CEP162: variants seen among roughly 807,000 people sequenced by gnomAD.
CEP162 encodes the protein centrosomal protein of 162 kDa.
CEP162 carries 141 observed loss-of-function variants against 169.2 expected under a neutral mutation model. That is an observed-to-expected ratio of 0.83 (90% confidence interval 0.73 to 0.96). The LOEUF is 0.96. Ranked by LOEUF, CEP162 falls within the 40% of genes least tolerant of loss-of-function variation. The pLI is 0.00. For synonymous variants in CEP162, 540 were observed against 526.4 expected, an observed-to-expected ratio of 1.03 and a Z score of -0.35; for missense variants, 1,600 against 1,587.2, an observed-to-expected ratio of 1.01 and a Z score of -0.14.
intron 25 of CEP162, among the ~76,000 whole-genome samples, chr6:84,136,246 T>TA (rs10672455): frequency 1.3e-5 from 2 of 152,204 alleles, no homozygotes; most frequent in African/African-American, 4.8e-5. Context: ...GCACATGTCT[T>TA]AGTCTGTTTT....
At chr6:84,202,437 T>C (rs933855152) in intron 7 of CEP162, among the ~76,000 whole-genome samples, 18 of 152,112 alleles carry the variant, frequency 1.2e-4, no homozygotes, top group African/African-American at 3.9e-4. Flanking sequence ...TACCTTTTTA[T>C]GCATATGGTA....
At chr6:84,205,046 G>A (rs1379102252) in intron 6 of CEP162, among the ~76,000 whole-genome samples, 1 of 152,096 alleles carries the variant, frequency 6.6e-6, no homozygotes, top group Non-Finnish European at 1.5e-5. Context: ...TCCCTGAATA[G>A]ACCAATAACA....
chr6:84,188,362 A>G (rs2099538157), intron 11 of CEP162, among the ~76,000 whole-genome samples: 1 of 152,038 alleles, frequency 6.6e-6, no homozygotes. Context: ...CCCAATAGGT[A>G]GTTTTTCGAT....
Position 84,125,138 on chromosome 6 carries a change from C to T in CEP162, c.4144G>A (p.Glu1382Lys). The change falls in exon 27 of 27, where the codon GAG (glutamate) becomes AAG (lysine). Residue 1382 changes from glutamate to lysine, a missense_variant. Physicochemically the swap from Glu to Lys is moderately conservative, Grantham distance 56 (BLOSUM62 1). Coordinates refer to ENST00000403245, the MANE Select transcript of CEP162 (RefSeq NM_014895.4). The stretch of plus-strand genomic sequence containing the variant: ...ACAACCACTCCTTGCCGGTGCAGCT[C>T]TCGGAGAACATCTAATATTGAGTCT... ...ELDSILDVLR[E>K]LHRQGVVVPV... The T allele has an allele frequency of 6.2e-7, 1 of 1,613,578 alleles. No homozygotes were observed. Among genetic ancestry groups the T allele is most frequent in the Non-Finnish European group, 8.5e-7 (1 of 1,179,662 alleles).
At chr6:84,126,700 T>G (rs1365648023) in intron 25 of CEP162, among the ~76,000 whole-genome samples, 188 bp from the exon 26 acceptor site, 1 of 152,180 alleles carries the variant, frequency 6.6e-6, no homozygotes, top group African/African-American at 2.4e-5. Flanking sequence ...TGAGTTGACC[T>G]CACATTCTAA....
rs188619811 is a variant in CEP162 at position 84,222,403 on chromosome 6, G to A, written c.58-1232C>T. On this transcript the variant is annotated intron_variant, in intron 2 of 26. Coordinates refer to ENST00000403245, the MANE Select transcript of CEP162 (RefSeq NM_014895.4). Reference sequence around the variant, plus strand: ...TCTATTTTAATAGCTTTGGCTTTTTGCCCATTTATTTAACAGACTTTTCCA... The same window carrying A: ...TCTATTTTAATAGCTTTGGCTTTTTACCCATTTATTTAACAGACTTTTCCA... Among the ~76,000 whole-genome samples, 1,178 of 152,174 alleles carry A rather than the reference G, an allele frequency of 7.7e-3. 14 individuals are homozygous for A. Among genetic ancestry groups the A allele is most frequent in the African/African-American group, 0.027 (1,124 of 41,504 alleles).
At chr6:84,184,835 T>G (rs2099536402) in intron 13 of CEP162, among the ~76,000 whole-genome samples, 1 of 151,914 alleles carries the variant, frequency 6.6e-6, no homozygotes, top group Non-Finnish European at 1.5e-5. Context: ...TCTGCTTGCA[T>G]GTTGAATAGA....
chr6:84,191,160 G>GAA (rs952057880), intron 11 of CEP162, among the ~76,000 whole-genome samples: 2 of 137,972 alleles, frequency 1.4e-5, no homozygotes, highest in Non-Finnish European at 1.6e-5. Context: ...CTGTTCAAAA[G>GAA]AAAAAAAAAA....
In CEP162 at chr6:84,185,191, T is replaced by A; in HGVS notation, c.1659A>T (p.Lys553Asn). 1 of 1,609,296 alleles carries A rather than the reference T, an allele frequency of 6.2e-7. No homozygotes were observed. Among genetic ancestry groups the A allele is most frequent in the South Asian group, 1.1e-5 (1 of 90,938 alleles). Residue 553 changes from lysine to asparagine, a missense_variant, in exon 13 of 27, where the codon AAA becomes AAT. Physicochemically the swap from Lys to Asn is moderately conservative, Grantham distance 94 (BLOSUM62 0). Coordinates refer to ENST00000403245, the MANE Select transcript of CEP162 (RefSeq NM_014895.4). ...AAATAAAGAGTATATGATTACCTTT[T>A]TTCCTAGGTTGATTGGAGGTAGAAA... is the stretch of plus-strand genomic sequence containing the variant. ...RSISTSNQPR[K>N]KEILSGTKLI...
At chr6:84,181,320 T>G (rs532004746) in intron 13 of CEP162, among the ~76,000 whole-genome samples, 9 of 152,262 alleles carry the variant, frequency 5.9e-5, no homozygotes, top group Admixed American at 5.9e-4. Flanking sequence ...TGAAACTGGA[T>G]CCCTTCCTTA....
At chr6:84,154,394 AT>A (rs2099522360) in intron 22 of CEP162, among the ~76,000 whole-genome samples, 1 of 151,560 alleles carries the variant, frequency 6.6e-6, no homozygotes, top group Non-Finnish European at 1.5e-5. Flanking sequence ...CTATCTATCT[AT>A]CTATGTATCT....
chr6:84,219,649 T>A (rs1031712461), intron 3 of CEP162, among the ~76,000 whole-genome samples: 5 of 152,198 alleles, frequency 3.3e-5, no homozygotes, highest in African/African-American at 1.2e-4. Context: ...TTATAAAAAA[T>A]GCACTGAATT....
At chr6:84,149,811 A>G in intron 23 of CEP162, 108 bp from the exon 24 acceptor site, 1 of 870,998 alleles carries the variant, frequency 1.1e-6, no homozygotes. Context: ...CAAGGGGAAA[A>G]TGGGCACCAA....
chr6:84,194,777 G>C (rs531177145), intron 10 of CEP162, 107 bp downstream of exon 10: 3 of 940,228 alleles, frequency 3.2e-6, no homozygotes, highest in East Asian at 5.3e-5. Flanking sequence ...ATTAAGCTCA[G>C]AGACTGAGAA....
chr6:84,129,338 T>A (rs1365768501), intron 25 of CEP162, among the ~76,000 whole-genome samples: 1 of 152,194 alleles, frequency 6.6e-6, no homozygotes, highest in East Asian at 1.9e-4. Flanking sequence ...TTTCTCCGCA[T>A]CCTCTCCAGC....
chr6:84,159,415 T>C (rs895713057), intron 21 of CEP162, among the ~76,000 whole-genome samples: 1 of 149,330 alleles, frequency 6.7e-6, no homozygotes, highest in African/African-American at 2.5e-5. Flanking sequence ...CACTTCTGGA[T>C]GGCTTCTTAG....
At chr6:84,178,985 T>C (rs918287333) in intron 13 of CEP162, among the ~76,000 whole-genome samples, 40 of 152,340 alleles carry the variant, frequency 2.6e-4, no homozygotes, top group Admixed American at 2.3e-3. Context: ...ACAAAGGACA[T>C]GAACTCATCC....
intron 21 of CEP162, among the ~76,000 whole-genome samples, chr6:84,159,547 A>ATATTTTTTTT (rs2099524779): frequency 1.3e-4 from 4 of 31,952 alleles, no homozygotes; most frequent in Non-Finnish European, 2.0e-4. Context: ...ATATATATAT[A>ATATTTTTTTT]TTTTTTTTTT....
Position 84,149,679 on chromosome 6 carries a change from G to A in CEP162, c.3654C>T (p.His1218=). Reference sequence around the variant, plus strand: ...GATGAGATGCTTTGAGGGATGCAATGTGTGCTGCAGTATCTTCCTTGACCC... The same window carrying A: ...GATGAGATGCTTTGAGGGATGCAATATGTGCTGCAGTATCTTCCTTGACCC... ...MRRVKEDTAA[H]IASLKASHQR... The change falls in exon 24 of 27, where the codon CAC becomes CAT. Residue 1218 remains histidine, a synonymous_variant. Coordinates refer to ENST00000403245, the MANE Select transcript of CEP162 (RefSeq NM_014895.4). 6.4e-7 allele frequency: 1 copy of A among 1,566,266 alleles called. No individual in the cohort carries two copies. The highest frequency in any genetic ancestry group is 8.7e-7 in the Non-Finnish European group (1 of 1,155,388).
Sources: gnomAD v4.1 joint callset for allele counts (sites outside exome capture counted in the v4.1 genomes callset) on GRCh38, gnomAD v4.1.1 for gene constraint, MANE v1.5 for transcripts, NCBI Gene and HGNC (gene_info 2026-07-23, HGNC 2026-07-21) for gene names.